SLX4IP: variants seen among roughly 807,000 people sequenced by gnomAD.
SLX4IP encodes SLX4 interacting protein.
A neutral mutation model predicts 32.9 loss-of-function variants in SLX4IP; 34 were observed. The ratio of observed to expected loss-of-function variants is 1.03; its 90% CI spans 0.79 to 1.38. The LOEUF (loss-of-function observed/expected upper bound fraction) is 1.38, where lower values mean the gene tolerates loss of function less well. Ranked by LOEUF, SLX4IP falls within the 40% of genes most tolerant of loss-of-function variation. The pLI, the probability that SLX4IP is intolerant of heterozygous loss-of-function variation, is 0.00. For missense variants in SLX4IP, 444 were observed against 479.0 expected (o/e 0.93, Z 0.68); for synonymous variants, 172 against 171.7 (o/e 1.00, Z -0.01).
chr20:10,483,746 C>T (rs1024922663), intron 2 of SLX4IP, among the ~76,000 whole-genome samples: 8 of 151,998 alleles, frequency 5.3e-5, no homozygotes, highest in African/African-American at 1.9e-4. Context: ...CAAAGTATGG[C>T]ACATGTGAAA....
Position 10,625,282 on chromosome 20 carries a change from G to A in SLX4IP, c.*1903G>A, listed in dbSNP as rs985870495. 2.6e-5 allele frequency: 4 copies of A among 152,138 alleles called. No homozygotes were observed. The highest frequency in any genetic ancestry group is 7.2e-5 in the African/African-American group (3 of 41,400). 9.4% of individuals were successfully genotyped at this position (152,138 alleles called of 1,614,324 possible). ...CTTCTTAAACAGAAGCAATTAGAAC[G>A]ATTTAGATATAGGGAGGGCACAAGT... On this transcript the variant is annotated 3_prime_UTR_variant, in exon 8 of 8. Coordinates refer to ENST00000334534, the MANE Select transcript of SLX4IP (RefSeq NM_001009608.3).
rs149407517 is a variant in SLX4IP, at chr20:10,485,002, G to A, written c.27+26771G>A. ...TGAATGGGGGACCTCGAAGAGACAG[G>A]GCTCACTGAAGCCAAGGGGAGACCT... is the stretch of plus-strand genomic sequence containing the variant. On this transcript the variant is annotated intron_variant, in intron 2 of 7. Coordinates refer to ENST00000334534, the MANE Select transcript of SLX4IP (RefSeq NM_001009608.3). Among the ~76,000 whole-genome samples, 308 of 152,108 alleles carry A rather than the reference G, an allele frequency of 2.0e-3. 1 individual carries two copies. The highest frequency in any genetic ancestry group is 7.1e-3 in the African/African-American group (293 of 41,496).
At chr20:10,545,995 A>G (rs1416866923) in intron 2 of SLX4IP, among the ~76,000 whole-genome samples, 2 of 152,210 alleles carry the variant, frequency 1.3e-5, no homozygotes, top group Non-Finnish European at 2.9e-5. Context: ...ATATTTTCTA[A>G]CATGTTAATT....
At chr20:10,499,606 G>C (rs1416414996) in intron 2 of SLX4IP, among the ~76,000 whole-genome samples, 1 of 152,130 alleles carries the variant, frequency 6.6e-6, no homozygotes, top group African/African-American at 2.4e-5. Flanking sequence ...AAATATATTA[G>C]TAGTATTACC....
At chr20:10,532,656 T>C (rs1039343417) in intron 2 of SLX4IP, among the ~76,000 whole-genome samples, 1 of 152,146 alleles carries the variant, frequency 6.6e-6, no homozygotes, top group Non-Finnish European at 1.5e-5. Flanking sequence ...GGGTTCGTAT[T>C]CTTTTAGTGC....
intron 4 of SLX4IP, among the ~76,000 whole-genome samples, chr20:10,592,016 C>T (rs944142605): frequency 3.3e-5 from 5 of 152,136 alleles, no homozygotes; most frequent in Admixed American, 3.3e-4. Context: ...ATAAATTTGG[C>T]TCCGAAGAAT....
chr20:10,622,851 G>T lies in SLX4IP; in HGVS notation c.699G>T (p.Trp233Cys), dbSNP rs1166639856. Residue 233 changes from tryptophan (W) to cysteine (C), a missense_variant, in exon 8 of 8, where the codon TGG becomes TGT. Coordinates refer to ENST00000334534, the MANE Select transcript of SLX4IP (RefSeq NM_001009608.3). Reference protein sequence around the residue: ...KDSIKAAESHWGLPVQKLEKV... With the variant: ...KDSIKAAESHCGLPVQKLEKV... Reference sequence around the variant, plus strand: ...CCATAAAGGCAGCTGAGAGCCACTGGGGGCTTCCTGTTCAAAAGCTGGAAA... The same window carrying T: ...CCATAAAGGCAGCTGAGAGCCACTGTGGGCTTCCTGTTCAAAAGCTGGAAA... 4 of 1,613,950 alleles carry T rather than the reference G, an allele frequency of 2.5e-6. No homozygotes were observed. Among genetic ancestry groups the T allele is most frequent in the Non-Finnish European group, 3.4e-6 (4 of 1,180,024 alleles).
At chr20:10,509,585 C>T (rs1347430507) in intron 2 of SLX4IP, among the ~76,000 whole-genome samples, 1 of 152,160 alleles carries the variant, frequency 6.6e-6, no homozygotes, top group Non-Finnish European at 1.5e-5. Context: ...AAGTAGTTTG[C>T]AGCTGATTCA....
chr20:10,456,670 G>A (rs1377350228), intron 1 of SLX4IP, among the ~76,000 whole-genome samples: 1 of 152,180 alleles, frequency 6.6e-6, no homozygotes, highest in East Asian at 1.9e-4. Context: ...AGAAGGCTGA[G>A]TTCTCCAATT....
At chr20:10,572,403 G>A (rs2066476691) in intron 4 of SLX4IP, among the ~76,000 whole-genome samples, 1 of 152,034 alleles carries the variant, frequency 6.6e-6, no homozygotes, top group African/African-American at 2.4e-5. Flanking sequence ...TATTCTGCTT[G>A]AATTACCATG....
At chr20:10,472,269 C>T (rs1412853356) in intron 2 of SLX4IP, among the ~76,000 whole-genome samples, 4 of 146,898 alleles carry the variant, frequency 2.7e-5, no homozygotes, top group Admixed American at 6.8e-5. Flanking sequence ...CTGGCTCTGT[C>T]GCCCAGGCTC....
chr20:10,553,905 G>A (rs1337561783), intron 2 of SLX4IP, among the ~76,000 whole-genome samples: 1 of 152,004 alleles, frequency 6.6e-6, no homozygotes, highest in Non-Finnish European at 1.5e-5. Context: ...ACTTCATTTG[G>A]GTCTCCCACA....
At position 10,625,666 on chromosome 20, in the gene SLX4IP, T is replaced by C. The variant is rs187477321; in HGVS notation, c.*2287T>C. ...TTATAGTTGGGGATATAACAATTACTGTGATCGAAGAGAAAAAATAGCACC... is the reference window on the plus strand; with the variant it reads ...TTATAGTTGGGGATATAACAATTACCGTGATCGAAGAGAAAAAATAGCACC... On this transcript the variant is annotated 3_prime_UTR_variant, in exon 8 of 8. Coordinates refer to ENST00000334534, the MANE Select transcript of SLX4IP (RefSeq NM_001009608.3). 6.6e-6 allele frequency: 1 copy of C among 152,350 alleles called. No individual in the cohort carries two copies. Among genetic ancestry groups the C allele is most frequent in the East Asian group, 1.9e-4 (1 of 5,186 alleles). The allele number at this position is 152,350 out of a possible 1,614,324, so 9.4% of individuals were successfully genotyped here.
chr20:10,508,554 T>C (rs1387345678), intron 2 of SLX4IP, among the ~76,000 whole-genome samples: 1 of 152,242 alleles, frequency 6.6e-6, no homozygotes, highest in African/African-American at 2.4e-5. Context: ...ATCAGGATTG[T>C]TCTTTTCAAC....
intron 2 of SLX4IP, among the ~76,000 whole-genome samples, chr20:10,477,896 C>T (rs2065488552): frequency 8.4e-6 from 1 of 119,056 alleles, no homozygotes; most frequent in African/African-American, 3.1e-5. Context: ...GTTACAATCT[C>T]CCTTTTTTTT....
chr20:10,577,721 T>C (rs1031924001), intron 4 of SLX4IP, among the ~76,000 whole-genome samples: 3 of 152,206 alleles, frequency 2.0e-5, no homozygotes, highest in Admixed American at 2.0e-4. Context: ...ACCCTGTCTC[T>C]TTAATGATAA....
rs371719545 is a variant in SLX4IP, at chr20:10,496,585, CT to C, written c.27+38357del. The stretch of plus-strand genomic sequence containing the variant: ...TGGGGGCTTTTCCTCATTCTTATAG[CT>C]TTATGGCTGCAGGCTGGCAGCTGCA... On this transcript the variant is annotated intron_variant, in intron 2 of 7. Coordinates refer to ENST00000334534, the MANE Select transcript of SLX4IP (RefSeq NM_001009608.3). Among the ~76,000 whole-genome samples the C allele has an allele frequency of 1.1e-4, 16 of 152,070 alleles. No homozygotes were observed. In the East Asian group the frequency reaches 2.1e-3, roughly 20 times the overall value.
intron 4 of SLX4IP, among the ~76,000 whole-genome samples, chr20:10,590,947 C>G (rs956249129): frequency 6.6e-6 from 1 of 152,146 alleles, no homozygotes; most frequent in Non-Finnish European, 1.5e-5. Flanking sequence ...TTGGACCACA[C>G]AATATATTTT....
intron 2 of SLX4IP, among the ~76,000 whole-genome samples, chr20:10,508,648 A>G (rs1288542991): frequency 1.3e-5 from 2 of 152,170 alleles, no homozygotes; most frequent in Non-Finnish European, 2.9e-5. Flanking sequence ...TTTGCAGAGT[A>G]TGTTGCTTTA....
Sources: allele counts gnomAD v4.1 joint callset (sites outside exome capture counted in the v4.1 genomes callset), GRCh38; gene constraint gnomAD v4.1.1; transcripts MANE v1.5; gene names NCBI Gene and HGNC (gene_info 2026-07-23, HGNC 2026-07-21).